Variants in GABRB3 observed in about 807,000 individuals in gnomAD.
GABRB3 encodes the protein gamma-aminobutyric acid type A receptor subunit beta3.
A neutral mutation model predicts 52.1 loss-of-function variants in GABRB3; 14 were observed. The observed-to-expected ratio is 0.27, with a 90% CI of 0.18 to 0.42. GABRB3 has a LOEUF of 0.42. Among genes scored for constraint, GABRB3 ranks in the 10% least tolerant of loss-of-function variants. The pLI is 1.00. For synonymous variants in GABRB3, 260 were observed against 232.3 expected (o/e 1.12, Z -1.08); for missense variants, 307 against 609.1 (o/e 0.50, Z 5.22).
At chr15:26,642,562 G>T in intron 3 of GABRB3, 1 of 1,158,634 alleles carries the variant, frequency 8.6e-7, no homozygotes, top group Non-Finnish European at 1.1e-6. Context: ...AGGACACTTT[G>T]AATTACTGTT....
chr15:26,740,389 G>A (rs1489429165), intron 3 of GABRB3, among the ~76,000 whole-genome samples: 1 of 152,040 alleles, frequency 6.6e-6, no homozygotes, highest in Non-Finnish European at 1.5e-5. Context: ...GGGAAGACAG[G>A]CTGGCTCTTC....
chr15:26,614,295 G>A (rs1234592295), intron 4 of GABRB3: 1 of 152,176 alleles, frequency 6.6e-6, no homozygotes, highest in African/African-American at 2.4e-5. Flanking sequence ...CAGAGAAGGT[G>A]AGAAGAGTCC....
chr15:26,674,761 C>G (rs931806754), intron 3 of GABRB3, among the ~76,000 whole-genome samples: 1 of 152,116 alleles, frequency 6.6e-6, no homozygotes, highest in Non-Finnish European at 1.5e-5. Context: ...AAATTAGAAC[C>G]AGGAAGAGTG....
chr15:26,646,526 T>C (rs1467040735), intron 3 of GABRB3, among the ~76,000 whole-genome samples: 1 of 152,194 alleles, frequency 6.6e-6, no homozygotes, highest in Admixed American at 6.5e-5. Context: ...ATCTCATCCA[T>C]GTATGAGTCT....
intron 3 of GABRB3, among the ~76,000 whole-genome samples, chr15:26,686,601 GTCA>G (rs1888414350): frequency 6.6e-6 from 1 of 152,202 alleles, no homozygotes. Flanking sequence ...TGATAACAGT[GTCA>G]TAGCTCATGG....
intron 3 of GABRB3, among the ~76,000 whole-genome samples, chr15:26,763,044 C>T (rs1316637118): frequency 6.6e-6 from 1 of 152,228 alleles, no homozygotes; most frequent in Non-Finnish European, 1.5e-5. Flanking sequence ...GGTATCCCCG[C>T]CCCCTTTCTA....
intron 4 of GABRB3, chr15:26,612,548 A>T (rs1892109685): frequency 6.6e-6 from 1 of 152,218 alleles, no homozygotes; most frequent in African/African-American, 2.4e-5. Flanking sequence ...AAGAAATGTT[A>T]AGTTAAAAAT....
intron 4 of GABRB3, among the ~76,000 whole-genome samples, chr15:26,606,818 A>ATATATTGATAGATAGC (rs370066096): frequency 1.3e-5 from 1 of 75,842 alleles, no homozygotes; most frequent in Non-Finnish European, 3.0e-5. Flanking sequence ...AGATAGATAG[A>ATATATTGATAGATAGC]TAGATAGATA....
chr15:26,773,585 G>T (rs571186819), upstream of GABRB3: 5 of 1,415,826 alleles, frequency 3.5e-6, no homozygotes, highest in Non-Finnish European at 4.8e-6. Flanking sequence ...TCTGCCCGCC[G>T]GACTGCGGGC....
intron 4 of GABRB3, among the ~76,000 whole-genome samples, chr15:26,602,130 T>C (rs541973830): frequency 3.3e-5 from 5 of 152,250 alleles, no homozygotes; most frequent in African/African-American, 1.2e-4. Flanking sequence ...AGACAAATTA[T>C]ATTCCTAGAC....
chr15:26,733,997 TA>T (rs1362154935), intron 3 of GABRB3, among the ~76,000 whole-genome samples: 1 of 146,314 alleles, frequency 6.8e-6, no homozygotes, highest in East Asian at 2.0e-4. Context: ...GTAAAAAACC[TA>T]AATGTAAGCC....
At chr15:26,743,673 G>A (rs953037074) in intron 3 of GABRB3, among the ~76,000 whole-genome samples, 1 of 152,122 alleles carries the variant, frequency 6.6e-6, no homozygotes, top group Admixed American at 6.5e-5. Flanking sequence ...TCAGCAAAAT[G>A]TAATCCGACA....
chr15:26,761,750 C>T (rs990634293), intron 3 of GABRB3, among the ~76,000 whole-genome samples: 2 of 152,084 alleles, frequency 1.3e-5, no homozygotes, highest in African/African-American at 4.8e-5. Context: ...TTCAGGGAGC[C>T]GTATTTTGTT....
chr15:26,730,590 G>T (rs1889885859), intron 3 of GABRB3, among the ~76,000 whole-genome samples: 1 of 152,136 alleles, frequency 6.6e-6, no homozygotes, highest in Non-Finnish European at 1.5e-5. Context: ...GAATGGCCAG[G>T]GTGGGGCTGG....
At chr15:26,763,607 TACACACACAC>T (rs150301275) in intron 3 of GABRB3, among the ~76,000 whole-genome samples, 3 of 145,854 alleles carry the variant, frequency 2.1e-5, no homozygotes, top group Non-Finnish European at 4.5e-5. Context: ...TCTGCATAGA[TACACACACAC>T]ACACACACAC....
At chr15:26,619,919 C>T (rs550262415) in intron 4 of GABRB3, among the ~76,000 whole-genome samples, 46 of 152,044 alleles carry the variant, frequency 3.0e-4, no homozygotes, top group Non-Finnish European at 6.2e-4. Context: ...AAACCCAACA[C>T]ACACCACACA....
At chr15:26,744,771 C>G (rs1282648198) in intron 3 of GABRB3, among the ~76,000 whole-genome samples, 1 of 151,520 alleles carries the variant, frequency 6.6e-6, no homozygotes, top group East Asian at 1.9e-4. Context: ...GTATCAAACT[C>G]ACGACATCAA....
At chr15:26,749,638 CGAG>C (rs1415841453) in intron 3 of GABRB3, among the ~76,000 whole-genome samples, 1 of 152,076 alleles carries the variant, frequency 6.6e-6, no homozygotes, top group Non-Finnish European at 1.5e-5. Flanking sequence ...ACTGCTGAAA[CGAG>C]GAGGAAGTGC....
chr15:26,651,996 G>A (rs953898762), intron 3 of GABRB3, among the ~76,000 whole-genome samples: 1 of 152,002 alleles, frequency 6.6e-6, no homozygotes, highest in African/African-American at 2.4e-5. Flanking sequence ...GAGATTAACT[G>A]AGAGCCTGAC....
Sources: gnomAD v4.1 joint callset for allele counts (sites outside exome capture counted in the v4.1 genomes callset) on GRCh38, gnomAD v4.1.1 for gene constraint, MANE v1.5 for transcripts, NCBI Gene and HGNC (gene_info 2026-07-23, HGNC 2026-07-21) for gene names.